B3GALNT2: variants seen among roughly 807,000 people sequenced by gnomAD.
The protein encoded by B3GALNT2 is beta-1,3-N-acetylgalactosaminyltransferase 2.
A neutral mutation model predicts 61.1 loss-of-function variants in B3GALNT2; 53 were observed. The observed-to-expected ratio is 0.87, with a 90% CI of 0.70 to 1.09. B3GALNT2 has a LOEUF of 1.09. Among genes scored for constraint, B3GALNT2 ranks in the 50% least tolerant of loss-of-function variants. The pLI is 0.00. For synonymous variants in B3GALNT2, 223 were observed against 237.4 expected, an observed-to-expected ratio of 0.94 and a Z score of 0.56; for missense variants, 544 against 623.0, an observed-to-expected ratio of 0.87 and a Z score of 1.35.
chr1:235,442,262 C>A (rs1681941674), downstream of B3GALNT2, among the ~76,000 whole-genome samples: 1 of 152,168 alleles, frequency 6.6e-6, no homozygotes, highest in African/African-American at 2.4e-5. Context: ...CCTCCGCCTC[C>A]CGGGTTCAAG....
chr1:235,489,293 T>A, intron 2 of B3GALNT2, 25 bp from the exon 3 acceptor site: 2 of 1,611,318 alleles, frequency 1.2e-6, no homozygotes, highest in Non-Finnish European at 1.7e-6. Context: ...GGCATTAACA[T>A]CAGTTACTGA....
At position 235,484,303 on chromosome 1, in the gene B3GALNT2, T is replaced by C. The variant is rs1414305876; in HGVS notation, c.555+19A>G. ...TGAAAAAGAAAAAAGAGAAAAAACCTGTACAGAGCAGTGCATACCTCTTGT... is the reference window on the plus strand; with the variant it reads ...TGAAAAAGAAAAAAGAGAAAAAACCCGTACAGAGCAGTGCATACCTCTTGT... On this transcript the variant is annotated intron_variant, in intron 4 of 11. Transcript: ENST00000366600. 6.4e-7 allele frequency: 1 copy of C among 1,557,776 alleles called. No homozygotes were observed. Among genetic ancestry groups the C allele is most frequent in the Non-Finnish European group, 8.6e-7 (1 of 1,156,918 alleles).
At chr1:235,465,194 AT>A (rs1683627414) in intron 7 of B3GALNT2, 1 of 153,176 alleles carries the variant, frequency 6.5e-6, no homozygotes, top group Admixed American at 6.5e-5. Context: ...AATGAATAAA[AT>A]AGGGCATATC....
chr1:235,496,157 C>T (rs1004707177), intron 1 of B3GALNT2: 2 of 167,662 alleles, frequency 1.2e-5, no homozygotes, highest in Non-Finnish European at 2.6e-5. Context: ...ACTAAAAATA[C>T]AAAATTAGCC....
chr1:235,494,088 T>TA (rs1308712636), intron 2 of B3GALNT2, among the ~76,000 whole-genome samples: 13 of 152,120 alleles, frequency 8.5e-5, no homozygotes, highest in African/African-American at 2.9e-4. Context: ...ATATTACACA[T>TA]ACTGCAGATT....
chr1:235,458,555 A>C (rs778844568), intron 8 of B3GALNT2, 48 bp downstream of exon 8: 13 of 1,533,176 alleles, frequency 8.5e-6, no homozygotes, highest in East Asian at 4.6e-5. Context: ...AAAAAAAAAA[A>C]ACTAACAATA....
At chr1:235,484,268 T>C (rs767360925) in intron 4 of B3GALNT2, 54 bp downstream of exon 4, 368 of 1,520,036 alleles carry the variant, frequency 2.4e-4, no homozygotes, top group Non-Finnish European at 3.1e-4. Flanking sequence ...CAAGGAAAAG[T>C]TGATGTTTTT....
chr1:235,484,729 G>T, intron 3 of B3GALNT2: 1 of 835,180 alleles, frequency 1.2e-6, no homozygotes. Context: ...CCACATCTAA[G>T]TAAGTTAATT....
chr1:235,487,076 G>T (rs762638507), intron 3 of B3GALNT2, among the ~76,000 whole-genome samples: 1 of 151,472 alleles, frequency 6.6e-6, no homozygotes, highest in African/African-American at 2.4e-5. Flanking sequence ...CAGGAGAATC[G>T]CTTGAACCTG....
intron 7 of B3GALNT2, among the ~76,000 whole-genome samples, chr1:235,460,822 C>T (rs906514008): frequency 1.3e-5 from 2 of 152,080 alleles, no homozygotes; most frequent in African/African-American, 4.8e-5. Context: ...GATCCTCTTG[C>T]CTCCCAAGTT....
downstream of B3GALNT2, chr1:235,442,860 A>G (rs550575040): frequency 6.2e-7 from 1 of 1,614,084 alleles, no homozygotes; most frequent in East Asian, 2.2e-5. Context: ...AGCACTGAAG[A>G]TAAAATACCC....
chr1:235,442,455 C>T (rs1681959380), downstream of B3GALNT2, among the ~76,000 whole-genome samples: 1 of 151,818 alleles, frequency 6.6e-6, no homozygotes, highest in Non-Finnish European at 1.5e-5. Context: ...GCGGCATGAG[C>T]TACCGCGCCC....
intron 5 of B3GALNT2, chr1:235,479,318 G>A (rs574981448): frequency 6.6e-6 from 1 of 152,320 alleles, no homozygotes; most frequent in East Asian, 1.9e-4. Context: ...TCCCAGAGAT[G>A]TCTAGGAAAC....
In B3GALNT2 at chr1:235,504,199, G is replaced by C. The variant is rs1291748693; in HGVS notation, c.54C>G (p.His18Gln). 7.2e-7 allele frequency: 1 copy of C among 1,397,744 alleles called. No individual in the cohort carries two copies. The highest frequency in any genetic ancestry group is 3.1e-5 in the East Asian group (1 of 32,242). The allele number at this position is 1,397,744 out of a possible 1,614,324, so 86.6% of individuals were successfully genotyped here. ...GCGGGGAGCGCAGCCGCAGCCAGAG[G>C]TGCAGCGCGGCCCCGAGCACACACG... ...LCPCVLGAALHLWLRLRSPPP... is the reference protein window; with the variant it reads ...LCPCVLGAALQLWLRLRSPPP... Residue 18 changes from histidine to glutamine, a missense_variant, in exon 1 of 12, where the codon CAC becomes CAG. Coordinates refer to ENST00000366600, the MANE Select transcript of B3GALNT2 (RefSeq NM_152490.5).
Position 235,448,439 on chromosome 1 carries a change from A to G in B3GALNT2, c.*1767T>C. ...CTTCTGTTGTCCTATGAAAGTCCCA[A>G]AGTAAGTTGCCCAGCAAAATACAAA... is the stretch of plus-strand genomic sequence containing the variant. On this transcript the variant is annotated 3_prime_UTR_variant, in exon 12 of 12. Transcript: ENST00000366600. The G allele has an allele frequency of 1.9e-6, 3 of 1,614,032 alleles. No homozygotes were observed. Among genetic ancestry groups the G allele is most frequent in the Non-Finnish European group, 2.5e-6 (3 of 1,179,910 alleles).
At position 235,504,328 on chromosome 1, in the gene B3GALNT2, G is replaced by A. The variant is rs1174475140; in HGVS notation, c.-76C>T. ...GGGGACCTGCAAGTGCGGAGACTGA[G>A]GGGCGGCGGCTGACGAGCGACCACT... On this transcript the variant is annotated 5_prime_UTR_variant, in exon 1 of 12. Transcript: ENST00000366600. The A allele has an allele frequency of 2.5e-5, 35 of 1,425,370 alleles. No homozygotes were observed. Among genetic ancestry groups the A allele is most frequent in the East Asian group, 3.1e-5 (1 of 32,562 alleles). 88.3% of individuals were successfully genotyped at this position (1,425,370 alleles called of 1,614,324 possible). A position where few individuals can be genotyped will look rare whatever the true frequency, so the allele number is the denominator to read the frequency against.
chr1:235,450,600 G>A (rs1682839339), intron 11 of B3GALNT2: 3 of 412,512 alleles, frequency 7.3e-6, no homozygotes, highest in South Asian at 3.0e-5. Context: ...ATGCCATTCC[G>A]TAATGAACGA....
At position 235,504,151 on chromosome 1, in the gene B3GALNT2, G is replaced by C. The variant is rs1358930332; in HGVS notation, c.102C>G (p.Ala34=). The part of the protein sequence containing the change: ...RSPPPACASG[A]GPADQLALFP... Reference sequence around the variant, plus strand: ...GCCCCAGGACCTCACCTGCAGGGCCGGCCCCGGAGGCGCAGGCGGGCGGCG... The same window carrying C: ...GCCCCAGGACCTCACCTGCAGGGCCCGCCCCGGAGGCGCAGGCGGGCGGCG... The change falls in exon 1 of 12, where the codon GCC becomes GCG. Residue 34 remains alanine, a synonymous_variant. Coordinates refer to ENST00000366600, the MANE Select transcript of B3GALNT2 (RefSeq NM_152490.5). 54 of 1,260,288 alleles carry C rather than the reference G, an allele frequency of 4.3e-5. No homozygotes were observed. Among genetic ancestry groups the C allele is most frequent in the Non-Finnish European group, 5.1e-5 (51 of 1,006,472 alleles). 78.1% of individuals were successfully genotyped at this position (1,260,288 alleles called of 1,614,324 possible).
intron 8 of B3GALNT2, among the ~76,000 whole-genome samples, chr1:235,457,217 C>T (rs1683207847): frequency 6.6e-6 from 1 of 152,084 alleles, no homozygotes; most frequent in South Asian, 2.1e-4. Flanking sequence ...GAACTGTATC[C>T]GTAAAGTACT....
Sources: gnomAD v4.1 joint callset for allele counts (sites outside exome capture counted in the v4.1 genomes callset) on GRCh38, gnomAD v4.1.1 for gene constraint, MANE v1.5 for transcripts, NCBI Gene and HGNC (gene_info 2026-07-23, HGNC 2026-07-21) for gene names.